Variants in MPPED2 observed in about 807,000 individuals in gnomAD.
MPPED2 encodes the protein metallophosphoesterase domain containing 2.
MPPED2 carries 5 observed loss-of-function variants against 33.0 expected under a neutral mutation model. The observed-to-expected ratio is 0.15, with a 90% CI of 0.08 to 0.32. The LOEUF is 0.32. Among genes scored for constraint, MPPED2 ranks in the 10% least tolerant of loss-of-function variants. The probability of loss-of-function intolerance (pLI) is 1.00; values close to 1 mark genes in which losing one functional copy is unlikely to be tolerated. For missense variants in MPPED2, 275 were observed against 372.1 expected, an observed-to-expected ratio of 0.74 and a Z score of 2.15; for synonymous variants, 136 against 141.9, an observed-to-expected ratio of 0.96 and a Z score of 0.29.
At chr11:30,386,676 G>T (rs756545464) in exon 7 of MPPED2, 3 of 398,328 alleles carry the variant, frequency 7.5e-6, no homozygotes, top group Non-Finnish European at 1.3e-5. Context: ...TGAATGAACA[G>T]AACTCAAATC....
intron 2 of MPPED2, among the ~76,000 whole-genome samples, chr11:30,576,775 C>A (rs940527956): frequency 4.6e-5 from 7 of 151,802 alleles, no homozygotes; most frequent in African/African-American, 7.3e-5. Flanking sequence ...TTAGTATGCT[C>A]AAGAGTCTGG....
chr11:30,404,586 C>T (rs1342447827), intron 6 of MPPED2, among the ~76,000 whole-genome samples: 5 of 152,180 alleles, frequency 3.3e-5, no homozygotes, highest in Admixed American at 3.3e-4. Context: ...TATGCCACAC[C>T]TCGCACGTCC....
At position 30,568,476 on chromosome 11, in the gene MPPED2, C is replaced by T. The variant is rs139536160; in HGVS notation, c.128+11770G>A. On this transcript the variant is annotated intron_variant, in intron 2 of 6. Transcript: ENST00000358117. ...TGGTACAGCACCCTGCAAAACAGTG[C>T]TATCTGTTTATAACATGGCACGACC... is the stretch of plus-strand genomic sequence containing the variant. Among the ~76,000 whole-genome samples, 590 of 152,256 alleles carry T rather than the reference C, an allele frequency of 3.9e-3. 2 individuals carry two copies. Among genetic ancestry groups the T allele is most frequent in the African/African-American group, 0.012 (479 of 41,542 alleles).
chr11:30,522,426 A>G (rs1270605107), intron 3 of MPPED2, among the ~76,000 whole-genome samples: 3 of 150,820 alleles, frequency 2.0e-5, no homozygotes, highest in Admixed American at 2.0e-4. Flanking sequence ...ACACACACCT[A>G]GAAAGAGAAT....
At chr11:30,581,614 G>A (rs1274810267) in intron 1 of MPPED2, among the ~76,000 whole-genome samples, 1 of 152,126 alleles carries the variant, frequency 6.6e-6, no homozygotes, top group Admixed American at 6.5e-5. Flanking sequence ...AAAATATTTA[G>A]AATAATAAGA....
At chr11:30,401,007 G>A (rs954678404) in intron 6 of MPPED2, among the ~76,000 whole-genome samples, 20 of 152,266 alleles carry the variant, frequency 1.3e-4, no homozygotes, top group African/African-American at 4.6e-4. Flanking sequence ...GAGCTCAAGT[G>A]ATCTTCCTGC....
chr11:30,457,396 A>C (rs1019265111), intron 4 of MPPED2, among the ~76,000 whole-genome samples: 4 of 152,028 alleles, frequency 2.6e-5, no homozygotes, highest in African/African-American at 9.7e-5. Context: ...AAAAAAAAAA[A>C]AACAGTTCCT....
intron 4 of MPPED2, among the ~76,000 whole-genome samples, chr11:30,480,463 G>T (rs1321362181): frequency 1.3e-5 from 2 of 151,898 alleles, no homozygotes; most frequent in Admixed American, 6.6e-5. Context: ...ATCAAGGAAG[G>T]TCTAGTCAGA....
chr11:30,410,773 C>A lies in MPPED2; in HGVS notation c.*695G>T. 1.0e-6 allele frequency: 1 copy of A among 985,068 alleles called. No homozygotes were observed. The highest frequency in any genetic ancestry group is 1.2e-6 in the Non-Finnish European group (1 of 829,292). The allele number at this position is 985,068 out of a possible 1,614,324, so 61.0% of individuals were successfully genotyped here. A position where few individuals can be genotyped will look rare whatever the true frequency, so the allele number is the denominator to read the frequency against. ...TTCATTTTTTTAACCGTATGAAATACCTGCTCTTGACAGATTCCATTTCTG... is the reference window on the plus strand; with the variant it reads ...TTCATTTTTTTAACCGTATGAAATAACTGCTCTTGACAGATTCCATTTCTG... On this transcript the variant is annotated 3_prime_UTR_variant, in exon 7 of 7. Coordinates refer to ENST00000358117, the MANE Select transcript of MPPED2 (RefSeq NM_001584.3).
chr11:30,433,825 A>G (rs1339305399), intron 4 of MPPED2, among the ~76,000 whole-genome samples: 1 of 152,252 alleles, frequency 6.6e-6, no homozygotes, highest in Non-Finnish European at 1.5e-5. Flanking sequence ...CTGCTGTAAC[A>G]AAACAACCCA....
At chr11:30,417,272 C>T (rs1438941776) in intron 5 of MPPED2, among the ~76,000 whole-genome samples, 4 of 152,126 alleles carry the variant, frequency 2.6e-5, no homozygotes, top group Non-Finnish European at 5.9e-5. Flanking sequence ...CTGTGGCACA[C>T]CATACTCATT....
chr11:30,492,972 C>CA (rs1952050673), intron 4 of MPPED2, among the ~76,000 whole-genome samples: 2 of 152,134 alleles, frequency 1.3e-5, no homozygotes, highest in Admixed American at 1.3e-4. Flanking sequence ...GACACGTATA[C>CA]AAAAAATGTA....
chr11:30,409,010 TGA>T (rs1358670631), downstream of MPPED2, among the ~76,000 whole-genome samples: 1 of 152,214 alleles, frequency 6.6e-6, no homozygotes, highest in Non-Finnish European at 1.5e-5. Flanking sequence ...TATCCACAAA[TGA>T]GTCTGCCTTC....
chr11:30,568,764 TG>T (rs1956562268), intron 2 of MPPED2, among the ~76,000 whole-genome samples: 1 of 152,092 alleles, frequency 6.6e-6, no homozygotes, highest in African/African-American at 2.4e-5. Context: ...TTCCCTCCAA[TG>T]GGGGGTACCT....
intron 2 of MPPED2, among the ~76,000 whole-genome samples, chr11:30,568,763 A>G (rs185695266): frequency 1.6e-4 from 24 of 152,224 alleles, no homozygotes; most frequent in Admixed American, 7.8e-4. Flanking sequence ...TTTCCCTCCA[A>G]TGGGGGGTAC....
At chr11:30,511,863 C>T (rs544294678) in intron 3 of MPPED2, among the ~76,000 whole-genome samples, 3 of 152,252 alleles carry the variant, frequency 2.0e-5, no homozygotes, top group African/African-American at 7.2e-5. Context: ...AGCAACTTTG[C>T]GGAGATTAAA....
chr11:30,431,283 G>T (rs2133845604), intron 4 of MPPED2, among the ~76,000 whole-genome samples: 1 of 152,212 alleles, frequency 6.6e-6, no homozygotes, highest in South Asian at 2.1e-4. Context: ...TTCACTGTTG[G>T]CTCCACTTAA....
At chr11:30,417,671 G>C (rs777250603) in intron 4 of MPPED2, 38 bp from the exon 5 acceptor site, 2 of 1,179,950 alleles carry the variant, frequency 1.7e-6, no homozygotes, top group East Asian at 4.7e-5. Flanking sequence ...CAGGCCAGCA[G>C]AGCCACGGCT....
chr11:30,550,399 T>C (rs1474430657), intron 2 of MPPED2, among the ~76,000 whole-genome samples: 2 of 152,178 alleles, frequency 1.3e-5, no homozygotes, highest in East Asian at 3.8e-4. Flanking sequence ...CCCTGACTCT[T>C]AAATGTTTGC....
Sources: gnomAD v4.1 joint callset for allele counts (sites outside exome capture counted in the v4.1 genomes callset) on GRCh38, gnomAD v4.1.1 for gene constraint, MANE v1.5 for transcripts, NCBI Gene and HGNC (gene_info 2026-07-23, HGNC 2026-07-21) for gene names.